MYOM1: variants seen among roughly 807,000 people sequenced by gnomAD.
The protein encoded by MYOM1 is myomesin-1.
In MYOM1, 164 loss-of-function variants were observed where a neutral mutation model predicts 205.3. The observed-to-expected ratio is 0.80, with a 90% CI of 0.70 to 0.91. The LOEUF is 0.91. MYOM1 is among the 40% of genes least tolerant of loss of function. MYOM1 has a pLI of 0.00. For missense variants in MYOM1, 2,011 were observed against 2,127.3 expected, an observed-to-expected ratio of 0.95 and a Z score of 1.08; for synonymous variants, 772 against 789.4, an observed-to-expected ratio of 0.98 and a Z score of 0.37.
At chr18:3,166,389 GCCTCCTGAGTAGC>G in intron 9 of MYOM1, among the ~76,000 whole-genome samples, 1 of 151,222 alleles carries the variant, frequency 6.6e-6, no homozygotes, top group Non-Finnish European at 1.5e-5. Flanking sequence ...TAGTGCCTCA[GCCTCCTGAGTAGC>G]TGGGATTACA....
At chr18:3,119,283 G>A (rs528044102) in intron 20 of MYOM1, among the ~76,000 whole-genome samples, 1 of 152,234 alleles carries the variant, frequency 6.6e-6, no homozygotes, top group East Asian at 1.9e-4. Flanking sequence ...GTGCAGAGAG[G>A]CAAGCGGAGA....
chr18:3,186,953 GAAAGAAAGAAAAAGA>G (rs1262997803), intron 5 of MYOM1, among the ~76,000 whole-genome samples: 1 of 150,076 alleles, frequency 6.7e-6, no homozygotes, highest in Non-Finnish European at 1.5e-5. Flanking sequence ...GGAAAAGAGA[GAAAGAAAGAAAAAGA>G]AAAGAAAGAA....
At chr18:3,228,934 A>C in the MYOM1 span, among the ~76,000 whole-genome samples, 14 of 152,254 alleles carry the variant, frequency 9.2e-5, no homozygotes. The surrounding 1 kb of genome is among the most constrained non-coding windows in gnomAD (Gnocchi z 4.5). Context: ...CCAGTATTGC[A>C]CTTGGTTCTC....
chr18:3,101,780 A>G (rs1243841414), intron 23 of MYOM1, among the ~76,000 whole-genome samples: 1 of 152,176 alleles, frequency 6.6e-6, no homozygotes, highest in East Asian at 1.9e-4. Context: ...AATGTTTCTA[A>G]TAGCATAAAT....
At chr18:3,187,755 A>AT (rs1257805123) in intron 4 of MYOM1, 118 bp from the exon 5 acceptor site, 4 of 990,102 alleles carry the variant, frequency 4.0e-6, no homozygotes, top group South Asian at 2.0e-5. Context: ...TGGAAGCTTA[A>AT]TTTTTTGTAG....
At chr18:3,154,197 T>C (rs1443730101) in intron 11 of MYOM1, among the ~76,000 whole-genome samples, 1 of 152,088 alleles carries the variant, frequency 6.6e-6, no homozygotes, top group Non-Finnish European at 1.5e-5. Context: ...CAAGGTGGCC[T>C]CTATGAGGTC....
chr18:3,238,685 A>G, the MYOM1 span, among the ~76,000 whole-genome samples: 1 of 152,184 alleles, frequency 6.6e-6, no homozygotes, highest in Admixed American at 6.5e-5. Context: ...TCATCTTACA[A>G]TCTTGTAGGT....
intron 19 of MYOM1, among the ~76,000 whole-genome samples, chr18:3,124,598 G>A (rs1489922702): frequency 6.6e-6 from 1 of 151,576 alleles, no homozygotes; most frequent in Non-Finnish European, 1.5e-5. Flanking sequence ...CAAAGTGCTG[G>A]GATTACAGGC....
At chr18:3,167,436 T>C (rs1196820883) in intron 9 of MYOM1, among the ~76,000 whole-genome samples, 1 of 152,198 alleles carries the variant, frequency 6.6e-6, no homozygotes, top group African/African-American at 2.4e-5. Context: ...CAGGCTGGAG[T>C]GCAATGGCGC....
At chr18:3,104,406 G>C (rs1441149527) in intron 22 of MYOM1, among the ~76,000 whole-genome samples, 1 of 152,092 alleles carries the variant, frequency 6.6e-6, no homozygotes, top group Admixed American at 6.5e-5. Flanking sequence ...TTCTATCTGT[G>C]ATCCCTTTTT....
intron 22 of MYOM1, among the ~76,000 whole-genome samples, chr18:3,104,413 T>G (rs1306585644): frequency 3.3e-5 from 5 of 152,188 alleles, no homozygotes; most frequent in Non-Finnish European, 5.9e-5. Context: ...TGTGATCCCT[T>G]TTTAAAAGGA....
intron 25 of MYOM1, among the ~76,000 whole-genome samples, chr18:3,097,145 A>T (rs902727829): frequency 6.6e-6 from 1 of 152,232 alleles, no homozygotes; most frequent in African/African-American, 2.4e-5. Flanking sequence ...GAAATAAGAC[A>T]GTTTAAAACT....
intron 34 of MYOM1, among the ~76,000 whole-genome samples, chr18:3,076,951 A>G (rs552117492): frequency 6.6e-6 from 1 of 150,704 alleles, no homozygotes; most frequent in South Asian, 2.1e-4. Context: ...CGACCTCGTG[A>G]TCCACCCGCT....
At chr18:3,153,013 G>T (rs755731066) in intron 11 of MYOM1, among the ~76,000 whole-genome samples, 1 of 152,148 alleles carries the variant, frequency 6.6e-6, no homozygotes, top group Non-Finnish European at 1.5e-5. Flanking sequence ...GAGCTGCTAG[G>T]GGTTTGGGGA....
intron 22 of MYOM1, among the ~76,000 whole-genome samples, chr18:3,103,111 C>T (rs929427032): frequency 6.6e-6 from 1 of 152,156 alleles, no homozygotes; most frequent in African/African-American, 2.4e-5. Flanking sequence ...AGATGAAGAA[C>T]CCAAAAGGAA....
At position 3,162,420 on chromosome 18, in the gene MYOM1, TC is replaced by T. The variant is rs2080404729; in HGVS notation, c.1501+1857del. Among the ~76,000 whole-genome samples, 4 of 152,298 alleles carry T rather than the reference TC, an allele frequency of 2.6e-5. No individual in the cohort carries two copies. The East Asian group carries it at 7.7e-4, about 29-fold the overall frequency. On this transcript the variant is annotated intron_variant, in intron 10 of 37. Transcript: ENST00000356443. Reference sequence around the variant, plus strand: ...CCTAACTTGTTTACTTGCCCTGCTTTCCCTACCCAAGGAAACTCCAATAAAG... The same window carrying T: ...CCTAACTTGTTTACTTGCCCTGCTTTCCTACCCAAGGAAACTCCAATAAAG...
intron 30 of MYOM1, 145 bp downstream of exon 30, chr18:3,085,893 G>T: frequency 1.8e-6 from 1 of 553,930 alleles, no homozygotes; most frequent in Non-Finnish European, 3.2e-6. Flanking sequence ...CAAGGTTAGA[G>T]AAGCTTTTGT....
intron 32 of MYOM1, 22 bp from the exon 33 acceptor site, chr18:3,083,916 T>C: frequency 1.3e-6 from 2 of 1,575,074 alleles, no homozygotes; most frequent in Non-Finnish European, 1.7e-6. Flanking sequence ...AAATAGCATA[T>C]TTCATACATC....
At chr18:3,147,784 A>G (rs1405775552) in intron 13 of MYOM1, among the ~76,000 whole-genome samples, 1 of 152,226 alleles carries the variant, frequency 6.6e-6, no homozygotes, top group African/African-American at 2.4e-5. Flanking sequence ...GAAATAATTT[A>G]ATAGCCATAT....
Sources: allele counts gnomAD v4.1 joint callset (sites outside exome capture counted in the v4.1 genomes callset), GRCh38; gene constraint gnomAD v4.1.1; non-coding constraint Gnocchi (gnomAD v3.1); transcripts MANE v1.5; gene names NCBI Gene and HGNC (gene_info 2026-07-23, HGNC 2026-07-21).